NTM: variants seen among roughly 807,000 people sequenced by gnomAD.
NTM encodes the protein neurotrimin.
A neutral mutation model predicts 42.1 loss-of-function variants in NTM; 13 were observed. The ratio of observed to expected loss-of-function variants is 0.31; its 90% confidence interval spans 0.20 to 0.49. The LOEUF (loss-of-function observed/expected upper bound fraction) is 0.49, where lower values mean the gene tolerates loss of function less well. Ranked by LOEUF, NTM falls within the 20% of genes least tolerant of loss-of-function variation. The pLI, the probability that NTM is intolerant of heterozygous loss-of-function variation, is 0.99. For missense variants in NTM, 373 were observed against 452.8 expected (o/e 0.82, Z 1.60); for synonymous variants, 187 against 179.2 (o/e 1.04, Z -0.35).
At chr11:132,228,920 G>A (rs150721898) in intron 4 of NTM, among the ~76,000 whole-genome samples, 106 of 152,256 alleles carry the variant, frequency 7.0e-4, no homozygotes, top group Admixed American at 2.8e-3. Flanking sequence ...GTTGTCATGC[G>A]GAGAGCAGGA....
intron 2 of NTM, among the ~76,000 whole-genome samples, chr11:132,081,282 AC>A (rs1328744690): frequency 4.0e-4 from 61 of 152,374 alleles, no homozygotes; most frequent in African/African-American, 1.4e-3. Flanking sequence ...TATACATATT[AC>A]ACTACAGAAA....
chr11:132,041,056 G>A (rs1260604836), intron 2 of NTM, among the ~76,000 whole-genome samples: 1 of 152,180 alleles, frequency 6.6e-6, no homozygotes, highest in East Asian at 1.9e-4. Context: ...CCTAAAATAA[G>A]CATGCTGGAG....
chr11:131,798,619 T>C (rs2091834776), intron 1 of NTM, among the ~76,000 whole-genome samples: 1 of 152,232 alleles, frequency 6.6e-6, no homozygotes, highest in South Asian at 2.1e-4. Flanking sequence ...CTTTATTCCT[T>C]CACCTCAAAC....
At chr11:132,211,393 C>T (rs1327990064) in intron 3 of NTM, among the ~76,000 whole-genome samples, 1 of 152,164 alleles carries the variant, frequency 6.6e-6, no homozygotes, top group African/African-American at 2.4e-5. Context: ...AAGTGAAACC[C>T]TGTCTCAAAA....
intron 1 of NTM, among the ~76,000 whole-genome samples, chr11:131,386,425 G>A (rs1943322280): frequency 6.6e-6 from 1 of 152,198 alleles, no homozygotes; most frequent in Non-Finnish European, 1.5e-5. Context: ...TCACTTAATG[G>A]TACACTTAGA....
At chr11:131,598,757 TC>T (rs1311333505) in intron 1 of NTM, among the ~76,000 whole-genome samples, 2,449 of 53,094 alleles carry the variant, frequency 0.046, 122 homozygotes, top group African/African-American at 0.076. Context: ...CTTTCTTTCT[TC>T]TTTCTTTTTT....
At chr11:131,688,775 AG>A (rs1426259731) in intron 1 of NTM, among the ~76,000 whole-genome samples, 4 of 152,220 alleles carry the variant, frequency 2.6e-5, no homozygotes, top group Admixed American at 2.0e-4. Context: ...CCAAACCGTC[AG>A]TCCTGCTGTC....
At chr11:131,985,525 G>C (rs1338487443) in intron 2 of NTM, among the ~76,000 whole-genome samples, 2 of 152,176 alleles carry the variant, frequency 1.3e-5, no homozygotes, top group Admixed American at 1.3e-4. Context: ...CGGGTGTCAG[G>C]CTTGGCCTCA....
chr11:131,769,989 G>T lies in NTM; in HGVS notation c.83-141575G>T, dbSNP rs145816928. 2.5e-3 allele frequency among the ~76,000 whole-genome samples: 378 copies of T among 152,246 alleles called. 3 individuals carry two copies. The highest frequency in any genetic ancestry group is 8.8e-3 in the African/African-American group (367 of 41,544). On this transcript the variant is annotated intron_variant, in intron 1 of 8. Transcript: ENST00000683400. ...CTCACATGCTCAGGAAGTCCCCCAG[G>T]CTGACCAGTCAGGCAGATCTCTCCT...
chr11:131,485,008 T>A (rs1417079478), intron 1 of NTM, among the ~76,000 whole-genome samples: 1 of 152,216 alleles, frequency 6.6e-6, no homozygotes, highest in East Asian at 1.9e-4. Context: ...GACTGCTGAC[T>A]CCTGCCTCAG....
At chr11:131,643,096 G>A (rs1361904193) in intron 1 of NTM, among the ~76,000 whole-genome samples, 1 of 151,494 alleles carries the variant, frequency 6.6e-6, no homozygotes, top group African/African-American at 2.4e-5. Context: ...AAATGGTTGA[G>A]GGGAAAAGAG....
chr11:131,915,713 C>T (rs563072467), intron 2 of NTM, among the ~76,000 whole-genome samples: 1 of 152,196 alleles, frequency 6.6e-6, no homozygotes, highest in Admixed American at 6.5e-5. Flanking sequence ...GCCTCACAAT[C>T]ATGGCAGAAG....
chr11:132,242,553 C>T (rs1046132590), intron 4 of NTM, among the ~76,000 whole-genome samples: 4 of 152,200 alleles, frequency 2.6e-5, no homozygotes, highest in African/African-American at 9.7e-5. Context: ...AATTCTACTT[C>T]CCTTTCCCCT....
intron 2 of NTM, among the ~76,000 whole-genome samples, chr11:131,927,700 A>T (rs1199620749): frequency 1.3e-5 from 2 of 152,234 alleles, no homozygotes; most frequent in Non-Finnish European, 2.9e-5. Flanking sequence ...GGGATACTTG[A>T]TAGTGTAGAA....
chr11:131,618,341 C>T (rs1392314741), intron 1 of NTM, among the ~76,000 whole-genome samples: 1 of 152,108 alleles, frequency 6.6e-6, no homozygotes, highest in Non-Finnish European at 1.5e-5. Flanking sequence ...GCACTGGTAC[C>T]AAAACAAAGC....
intron 2 of NTM, among the ~76,000 whole-genome samples, chr11:132,097,270 G>C (rs2061120876): frequency 6.6e-6 from 1 of 152,210 alleles, no homozygotes; most frequent in Non-Finnish European, 1.5e-5. Context: ...CCTTCCTAAA[G>C]GGAACACACA....
chr11:131,825,606 C>G (rs912815896), intron 1 of NTM, among the ~76,000 whole-genome samples: 5 of 152,080 alleles, frequency 3.3e-5, no homozygotes, highest in Non-Finnish European at 7.4e-5. Flanking sequence ...TGTGGACAGA[C>G]CTGTTGAAGA....
At chr11:132,035,159 A>G (rs1434407194) in intron 2 of NTM, among the ~76,000 whole-genome samples, 1 of 152,190 alleles carries the variant, frequency 6.6e-6, no homozygotes, top group African/African-American at 2.4e-5. Flanking sequence ...AGGCTCTCCT[A>G]GATGTTCATT....
chr11:132,176,319 A>G (rs1296287736), intron 3 of NTM, among the ~76,000 whole-genome samples: 1 of 151,836 alleles, frequency 6.6e-6, no homozygotes, highest in Non-Finnish European at 1.5e-5. Flanking sequence ...GGTTTGGTCA[A>G]GTTTGGTCAA....
Sources: gnomAD v4.1 joint callset for allele counts (sites outside exome capture counted in the v4.1 genomes callset) on GRCh38, gnomAD v4.1.1 for gene constraint, MANE v1.5 for transcripts, NCBI Gene and HGNC (gene_info 2026-07-23, HGNC 2026-07-21) for gene names.